The following SCUBE1 variants were observed in gnomAD, a reference collection of about 807,000 sequenced individuals.
The protein encoded by SCUBE1 is signal peptide, CUB domain and EGF like domain containing 1.
A neutral mutation model predicts 124.4 loss-of-function variants in SCUBE1; 59 were observed. The ratio of observed to expected loss-of-function variants is 0.47; its 90% CI spans 0.38 to 0.59. The LOEUF is 0.59. SCUBE1 is among the 20% of genes least tolerant of loss of function. The pLI is 0.00. For missense variants in SCUBE1, 1,150 were observed against 1,371.2 expected (o/e 0.84, Z 2.55); for synonymous variants, 545 against 550.9 (o/e 0.99, Z 0.15).
At chr22:43,249,977 G>A (rs1050472541) in intron 6 of SCUBE1, among the ~76,000 whole-genome samples, 23 of 152,378 alleles carry the variant, frequency 1.5e-4, no homozygotes, top group Middle Eastern at 6.8e-3. Flanking sequence ...CCCCAACTGC[G>A]TCACACAGCT....
chr22:43,217,721 T>C (rs1921897350), intron 15 of SCUBE1, among the ~76,000 whole-genome samples: 1 of 152,156 alleles, frequency 6.6e-6, no homozygotes, highest in Non-Finnish European at 1.5e-5. Flanking sequence ...TCTCGTGTGC[T>C]GGTTCTGCCT....
chr22:43,258,350 A>G lies in SCUBE1; in HGVS notation c.611-15T>C, dbSNP rs372316626. The G allele has an allele frequency of 8.3e-6, 13 of 1,559,004 alleles. No individual in the cohort carries two copies. The African/African-American group carries it at 1.6e-4, about 19-fold the overall frequency. ...ATTACAGGTTACTAGTTAGGCCCAA[A>G]GTGTACACACGGGTGTATAAACAGA... On this transcript the variant is annotated splice_polypyrimidine_tract_variant and intron_variant, in intron 5 of 21. Transcript: ENST00000360835. This position sits in a 1 kb window ranked among gnomAD's most constrained non-coding sequence, Gnocchi z 5.0.
chr22:43,240,119 C>A (rs1000332568), intron 6 of SCUBE1, among the ~76,000 whole-genome samples: 1 of 152,004 alleles, frequency 6.6e-6, no homozygotes, highest in East Asian at 1.9e-4. Context: ...TGTGTGTGTG[C>A]GTGTGCATCT....
chr22:43,219,492 T>C (rs528208314), intron 14 of SCUBE1, among the ~76,000 whole-genome samples: 4 of 141,312 alleles, frequency 2.8e-5, no homozygotes, highest in Admixed American at 2.1e-4. Flanking sequence ...TTTTTTTTTT[T>C]TGAGATAGAG....
rs889846287 is a variant in SCUBE1 at position 43,208,761 on chromosome 22, G to A, written c.2582-537C>T. 6.6e-5 allele frequency among the ~76,000 whole-genome samples: 10 copies of A among 152,326 alleles called. No homozygotes were observed. In the East Asian group the frequency reaches 1.2e-3, roughly 18 times the overall value. ...TCTCCCGAGGAGGAAATCAGGAGCC[G>A]AGTGCGGCAGCGTGGGTACAGCATG... On this transcript the variant is annotated intron_variant, in intron 19 of 21. Coordinates refer to ENST00000360835, the MANE Select transcript of SCUBE1 (RefSeq NM_173050.5).
At chr22:43,240,723 T>G (rs75761381) in intron 6 of SCUBE1, among the ~76,000 whole-genome samples, 3,615 of 152,314 alleles carry the variant, frequency 0.024, 83 homozygotes, top group East Asian at 0.13. Context: ...GTTTCCTCCC[T>G]GGGCTGACAA....
rs559330597 is a variant in SCUBE1, at chr22:43,302,655, G to C, written c.350-11475C>G. The stretch of plus-strand genomic sequence containing the variant: ...GAGTGACAGAGCCAGGCTGGGAACG[G>C]GGTGCTTTCATCCCCTCAGGCCTCT... On this transcript the variant is annotated intron_variant, in intron 3 of 21. Coordinates refer to ENST00000360835, the MANE Select transcript of SCUBE1 (RefSeq NM_173050.5). Among the ~76,000 whole-genome samples the C allele has an allele frequency of 2.0e-5, 3 of 152,348 alleles. No individual in the cohort carries two copies. The East Asian group carries it at 5.8e-4, about 29-fold the overall frequency.
rs1015762641 is a variant in SCUBE1 at position 43,197,792 on chromosome 22, G to T, written c.*6205C>A. On this transcript the variant is annotated 3_prime_UTR_variant, in exon 22 of 22. Coordinates refer to ENST00000360835, the MANE Select transcript of SCUBE1 (RefSeq NM_173050.5). ...GTACCCTGTCCGCCTGGTAGGGAAG[G>T]CAGAAGCTGTCTTTTCTCCGAACGA... 6.6e-6 allele frequency: 1 copy of T among 152,304 alleles called. No homozygotes were observed. Among genetic ancestry groups the T allele is most frequent in the South Asian group, 2.1e-4 (1 of 4,834 alleles). 9.4% of individuals were successfully genotyped at this position (152,304 alleles called of 1,614,324 possible).
At chr22:43,317,059 T>TA (rs1006676566) in intron 3 of SCUBE1, 4 of 152,080 alleles carry the variant, frequency 2.6e-5, no homozygotes, top group Admixed American at 6.6e-5. Flanking sequence ...TAGAAAGCCA[T>TA]AAAAAACCAA....
At chr22:43,222,998 T>C (rs751860794) in intron 11 of SCUBE1, 99 bp downstream of exon 11, 12 of 1,445,086 alleles carry the variant, frequency 8.3e-6, no homozygotes, top group Non-Finnish European at 1.0e-5. Flanking sequence ...CATTCCTAGG[T>C]CAGACTCTTT....
intron 2 of SCUBE1, among the ~76,000 whole-genome samples, chr22:43,328,524 C>G (rs1156367548): frequency 6.6e-6 from 1 of 152,184 alleles, no homozygotes; most frequent in Non-Finnish European, 1.5e-5. Flanking sequence ...AAAACCTGGG[C>G]CGGCCCTTAG....
chr22:43,251,464 T>A (rs998025170), intron 6 of SCUBE1, among the ~76,000 whole-genome samples: 5 of 152,168 alleles, frequency 3.3e-5, no homozygotes, highest in African/African-American at 1.2e-4. Flanking sequence ...TGAAGGACCA[T>A]GAGACGGGAA....
intron 6 of SCUBE1, among the ~76,000 whole-genome samples, chr22:43,246,316 C>A (rs1339836479): frequency 6.6e-6 from 1 of 152,122 alleles, no homozygotes; most frequent in African/African-American, 2.4e-5. Context: ...GCATCATGGC[C>A]GTGCCCCAGG....
At position 43,281,466 on chromosome 22, in the gene SCUBE1, C is replaced by T. The variant is rs1226072694; in HGVS notation, c.484+9580G>A. On this transcript the variant is annotated intron_variant, in intron 4 of 21. Coordinates refer to ENST00000360835, the MANE Select transcript of SCUBE1 (RefSeq NM_173050.5). ...ACCCTCCTGTCATCTCCCTCAGCCA[C>T]CCTCCTGTCACCTCCCTCTTTGGCC... Among the ~76,000 whole-genome samples, 232 of 104,788 alleles carry T rather than the reference C, an allele frequency of 2.2e-3. 4 individuals carry two copies. The highest frequency in any genetic ancestry group is 3.0e-3 in the Admixed American group (35 of 11,620). 68.7% of individuals were successfully genotyped at this position (104,788 alleles called of 152,430 possible). A position where few individuals can be genotyped will look rare whatever the true frequency, so the allele number is the denominator to read the frequency against.
At chr22:43,241,313 G>A (rs1013261581) in intron 6 of SCUBE1, among the ~76,000 whole-genome samples, 3 of 152,004 alleles carry the variant, frequency 2.0e-5, no homozygotes, top group East Asian at 3.9e-4. Context: ...TGGTCACCAC[G>A]GGCTGGGCCC....
At chr22:43,280,722 C>A (rs1333854109) in intron 4 of SCUBE1, among the ~76,000 whole-genome samples, 1 of 71,856 alleles carries the variant, frequency 1.4e-5, no homozygotes, top group Non-Finnish European at 2.7e-5. Context: ...CGGCCACCCT[C>A]CTGTCACCTT....
At chr22:43,267,415 A>T (rs919681724) in intron 4 of SCUBE1, among the ~76,000 whole-genome samples, 1 of 152,238 alleles carries the variant, frequency 6.6e-6, no homozygotes, top group Non-Finnish European at 1.5e-5. Context: ...TTTAGGAGGC[A>T]AGGCTAGAAT....
chr22:43,285,529 A>AG (rs1301026165), intron 4 of SCUBE1, among the ~76,000 whole-genome samples: 1 of 152,162 alleles, frequency 6.6e-6, no homozygotes, highest in East Asian at 1.9e-4. Flanking sequence ...CAGCAACAAT[A>AG]GGGGGCGGGG....
chr22:43,264,248 G>T (rs1211205601), intron 4 of SCUBE1, among the ~76,000 whole-genome samples: 1 of 152,198 alleles, frequency 6.6e-6, no homozygotes, highest in Non-Finnish European at 1.5e-5. Context: ...TCCTGGCTGT[G>T]GCCTGGGAGA....
Sources: gnomAD v4.1 joint callset for allele counts (sites outside exome capture counted in the v4.1 genomes callset) on GRCh38, gnomAD v4.1.1 for gene constraint, Gnocchi (gnomAD v3.1) non-coding constraint, MANE v1.5 for transcripts, NCBI Gene and HGNC (gene_info 2026-07-23, HGNC 2026-07-21) for gene names.